EFHC2: variants seen among roughly 807,000 people sequenced by gnomAD.
EFHC2 encodes the protein EF-hand domain containing 2.
EFHC2 carries 18 observed loss-of-function variants against 52.7 expected under a neutral mutation model. The ratio of observed to expected loss-of-function variants is 0.34; its 90% CI spans 0.24 to 0.51. The LOEUF (loss-of-function observed/expected upper bound fraction) is 0.51. Ranked by LOEUF, EFHC2 falls within the 20% of genes least tolerant of loss-of-function variation. EFHC2 has a pLI of 0.97. For missense variants in EFHC2, 513 were observed against 562.5 expected, an observed-to-expected ratio of 0.91 and a Z score of 0.89; for synonymous variants, 203 against 204.1, an observed-to-expected ratio of 0.99 and a Z score of 0.04.
intron 8 of EFHC2, among the ~76,000 whole-genome samples, chrX:44,238,918 G>T (rs1420445530): frequency 9.0e-6 from 1 of 111,343 alleles, no homozygotes; most frequent in Non-Finnish European, 1.9e-5. Context: ...TTCCACGATG[G>T]CAGGCCTTGG....
intron 14 of EFHC2, among the ~76,000 whole-genome samples, chrX:44,157,409 C>T (rs1046368782): frequency 9.0e-6 from 1 of 111,166 alleles, no homozygotes; most frequent in East Asian, 2.8e-4. Flanking sequence ...CCATTCTTTG[C>T]CCTTTTCACT....
At chrX:44,291,905 C>T (rs181790282) in intron 2 of EFHC2, among the ~76,000 whole-genome samples, 41 of 111,810 alleles carry the variant, frequency 3.7e-4, no homozygotes, top group Middle Eastern at 4.6e-3. Flanking sequence ...GAGTCTATTG[C>T]GCAAGCAATT....
intron 7 of EFHC2, 117 bp downstream of exon 7, chrX:44,248,155 G>T: frequency 1.6e-6 from 1 of 608,109 alleles, no homozygotes; most frequent in Non-Finnish European, 2.4e-6. Context: ...GATAGCAAAT[G>T]CACAATAAGT....
chrX:44,249,446 G>GT (rs377376546), intron 5 of EFHC2, among the ~76,000 whole-genome samples: 233 of 102,543 alleles, frequency 2.3e-3, no homozygotes, highest in East Asian at 0.017. Flanking sequence ...TGTTTTTTTG[G>GT]TTTTTTTTTT....
intron 8 of EFHC2, among the ~76,000 whole-genome samples, chrX:44,241,380 G>A (rs747909241): frequency 1.4e-4 from 16 of 111,913 alleles, no homozygotes; most frequent in Non-Finnish European, 2.8e-4. Flanking sequence ...ATTATATTCA[G>A]CCAAGTGAGA....
chrX:44,247,474 C>G (rs1602174824), intron 7 of EFHC2, among the ~76,000 whole-genome samples: 2 of 111,686 alleles, frequency 1.8e-5, no homozygotes, highest in South Asian at 3.8e-4. Context: ...GGACTAAGTA[C>G]CCACTATCCC....
intron 13 of EFHC2, among the ~76,000 whole-genome samples, chrX:44,164,577 T>C (rs772693968): frequency 8.9e-6 from 1 of 112,120 alleles, no homozygotes; most frequent in South Asian, 3.7e-4. Flanking sequence ...ATGTTCTTGA[T>C]ACACGGTTAA....
chrX:44,190,164 C>T (rs1467511558), intron 11 of EFHC2, among the ~76,000 whole-genome samples: 1 of 111,413 alleles, frequency 9.0e-6, no homozygotes, highest in Admixed American at 9.6e-5. Context: ...CTTAAAACAA[C>T]AGCAAAACCC....
chrX:44,178,452 C>A lies in EFHC2; in HGVS notation c.1864G>T (p.Ala622Ser). 1 of 1,206,024 alleles carries A rather than the reference C, an allele frequency of 8.3e-7. No homozygotes were observed. The highest frequency in any genetic ancestry group is 1.1e-6 in the Non-Finnish European group (1 of 892,510). ...TTCTTGAACTTTTCGTGGGCCAGTGCGATTAAGAAATCCATATCTGAACAT... is the reference window on the plus strand; with the variant it reads ...TTCTTGAACTTTTCGTGGGCCAGTGAGATTAAGAAATCCATATCTGAACAT... Reference protein sequence around the residue: ...GTCSDMDFLIALAHEKFKKNM... With the variant: ...GTCSDMDFLISLAHEKFKKNM... Residue 622 changes from alanine to serine, a missense_variant, in exon 12 of 15, where the codon GCA becomes TCA. By Grantham distance (99) the Ala-to-Ser change is moderately conservative. Transcript: ENST00000420999.
At chrX:44,230,141 A>G (rs2147320531) in intron 10 of EFHC2, among the ~76,000 whole-genome samples, 1 of 111,333 alleles carries the variant, frequency 9.0e-6, no homozygotes, top group Non-Finnish European at 1.9e-5. Context: ...TCAAAACTGG[A>G]TAAGTAGCCC....
chrX:44,230,531 C>A (rs1431491887), intron 10 of EFHC2, among the ~76,000 whole-genome samples: 1 of 111,312 alleles, frequency 9.0e-6, no homozygotes, highest in Non-Finnish European at 1.9e-5. Flanking sequence ...CATTTCCTTT[C>A]ATCTATTTCC....
chrX:44,298,110 G>T (rs1039494342), intron 2 of EFHC2, among the ~76,000 whole-genome samples: 1 of 111,112 alleles, frequency 9.0e-6, no homozygotes, highest in African/African-American at 3.3e-5. Flanking sequence ...TTTGAATAAT[G>T]TGGTGTTATT....
intron 13 of EFHC2, among the ~76,000 whole-genome samples, chrX:44,165,890 G>A: frequency 9.0e-6 from 1 of 110,991 alleles, no homozygotes; most frequent in Non-Finnish European, 1.9e-5. Context: ...ACCCCAGAGA[G>A]CACTCTTGCC....
chrX:44,333,054 G>A (rs1044100377), intron 1 of EFHC2, among the ~76,000 whole-genome samples: 2 of 111,526 alleles, frequency 1.8e-5, no homozygotes, highest in African/African-American at 6.5e-5. Flanking sequence ...GGTTGCTGCA[G>A]GTAGAGGCAG....
chrX:44,208,511 G>T (rs765884016), intron 11 of EFHC2, among the ~76,000 whole-genome samples: 1 of 111,490 alleles, frequency 9.0e-6, no homozygotes, highest in East Asian at 2.8e-4. Flanking sequence ...GGAGGAAGGC[G>T]AGGGTTGAAA....
At position 44,297,180 on chromosome X, in the gene EFHC2, A is replaced by G. The variant is rs1317752457; in HGVS notation, c.231+15388T>C. Among the ~76,000 whole-genome samples, 4 of 112,054 alleles carry G rather than the reference A, an allele frequency of 3.6e-5. 1 individual carries two copies. The highest frequency in any genetic ancestry group is 1.3e-4 in the African/African-American group (4 of 30,772). On this transcript the variant is annotated intron_variant, in intron 2 of 14. Transcript: ENST00000420999. ...ATTCAGGCTAAGAGAGGTTAAAAAC[A>G]TGGCCAGGATGAAATAGGTAATAGA...
At chrX:44,193,230 C>T (rs1453186814) in intron 11 of EFHC2, among the ~76,000 whole-genome samples, 1 of 105,216 alleles carries the variant, frequency 9.5e-6, no homozygotes, top group Non-Finnish European at 2.0e-5. Flanking sequence ...ACCTATGACC[C>T]GAAAGCCTGC....
At chrX:44,227,415 G>C (rs761453494) in intron 11 of EFHC2, among the ~76,000 whole-genome samples, 2 of 111,175 alleles carry the variant, frequency 1.8e-5, no homozygotes, top group East Asian at 5.7e-4. Context: ...AGAGGGCTCA[G>C]CATCCGGCAC....
intron 8 of EFHC2, 52 bp downstream of exon 8, chrX:44,242,069 C>A: frequency 9.0e-7 from 1 of 1,105,731 alleles, no homozygotes; most frequent in Non-Finnish European, 1.2e-6. Context: ...ATGTTATAAA[C>A]CCCAAACACA....
Sources: gnomAD v4.1 joint callset for allele counts (sites outside exome capture counted in the v4.1 genomes callset) on GRCh38, gnomAD v4.1.1 for gene constraint, MANE v1.5 for transcripts, NCBI Gene and HGNC (gene_info 2026-07-23, HGNC 2026-07-21) for gene names.